Variants in PCDHA4 observed in about 807,000 individuals in gnomAD.
PCDHA4 encodes protocadherin alpha 4.
In PCDHA4, 49 loss-of-function variants were observed where a neutral mutation model predicts 61.4. The observed-to-expected ratio is 0.80, with a 90% CI of 0.63 to 1.01. PCDHA4 has a LOEUF of 1.01. PCDHA4 is among the 50% of genes least tolerant of loss of function. PCDHA4 has a pLI of 0.00. For synonymous variants in PCDHA4, 590 were observed against 550.3 expected (o/e 1.07, Z -1.01); for missense variants, 1,254 against 1,235.8 (o/e 1.01, Z -0.22).
rs1368694746 is a variant in PCDHA4, at chr5:140,870,609, G to T, written c.2385+61037G>T. ...TGGAGCGGCGGTTGGGCGACCGCGC[G>T]CTGTCGAGCTACGTGTCGGTGCACG... On this transcript the variant is annotated intron_variant, in intron 1 of 3. Coordinates refer to ENST00000530339, the MANE Select transcript of PCDHA4 (RefSeq NM_018907.4). The T allele has an allele frequency of 5.0e-6, 8 of 1,613,114 alleles. No homozygotes were observed. In the East Asian group the frequency reaches 1.8e-4, roughly 36 times the overall value.
At chr5:140,929,217 C>T (rs1183459158) in intron 1 of PCDHA4, 1 of 1,614,016 alleles carries the variant, frequency 6.2e-7, no homozygotes, top group Non-Finnish European at 8.5e-7. Flanking sequence ...GTGGGGAGTA[C>T]AATGCTGCCG....
At chr5:140,848,742 A>G in intron 1 of PCDHA4, 2 of 1,593,114 alleles carry the variant, frequency 1.3e-6, no homozygotes, top group Admixed American at 3.4e-5. Context: ...GCAGAATGGC[A>G]TTTTGTTTGT....
chr5:140,845,820 T>C (rs1305062554), intron 1 of PCDHA4, among the ~76,000 whole-genome samples: 1 of 149,606 alleles, frequency 6.7e-6, no homozygotes, highest in African/African-American at 2.4e-5. Flanking sequence ...ATAATAAAAT[T>C]TAGTTATTAC....
chr5:140,915,374 G>A (rs1310466402), intron 1 of PCDHA4, among the ~76,000 whole-genome samples: 3 of 152,016 alleles, frequency 2.0e-5, no homozygotes, highest in Non-Finnish European at 4.4e-5. Flanking sequence ...TAAGTGTCTC[G>A]GCATTGAAGA....
intron 1 of PCDHA4, among the ~76,000 whole-genome samples, chr5:140,915,092 C>T (rs781958993): frequency 9.2e-5 from 14 of 151,760 alleles, no homozygotes; most frequent in East Asian, 1.9e-4. Context: ...ACTATGGGCA[C>T]GCACCACCAC....
chr5:140,903,513 T>C (rs2070347965), intron 1 of PCDHA4, among the ~76,000 whole-genome samples: 2 of 152,216 alleles, frequency 1.3e-5, no homozygotes, highest in South Asian at 2.1e-4. Flanking sequence ...AATAGTTCTA[T>C]TGTGTTGTTC....
At chr5:140,967,481 G>C (rs1554229603) in intron 1 of PCDHA4, 2 of 1,613,426 alleles carry the variant, frequency 1.2e-6, no homozygotes, top group Admixed American at 1.7e-5. Flanking sequence ...AGCCCGCTCG[G>C]GTACGGCACA....
At chr5:140,815,033 A>G (rs1251467889) in intron 1 of PCDHA4, 1 of 152,108 alleles carries the variant, frequency 6.6e-6, no homozygotes, top group Non-Finnish European at 1.5e-5. Context: ...TACAATTTGC[A>G]TGAAATTTTT....
At position 140,807,885 on chromosome 5, in the gene PCDHA4, T is replaced by G; in HGVS notation, c.698T>G (p.Leu233Arg). ...ACCGTTCAGTTACTCATCACAGTAC[T>G]GGATGCCAATGACAATGCCCCAGCT... ...TGTVQLLITV[L>R]DANDNAPAFD... The change falls in exon 1 of 4, where the codon CTG becomes CGG. Residue 233 changes from leucine to arginine, a missense_variant. Transcript: ENST00000530339. 1 of 1,614,096 alleles carries G rather than the reference T, an allele frequency of 6.2e-7. No individual in the cohort carries two copies. The highest frequency in any genetic ancestry group is 8.5e-7 in the Non-Finnish European group (1 of 1,179,944).
At chr5:140,871,443 T>C (rs1192118860) in intron 1 of PCDHA4, 13 of 1,610,650 alleles carry the variant, frequency 8.1e-6, no homozygotes, top group African/African-American at 1.3e-5. Flanking sequence ...TAGGTCTGAA[T>C]AAAGAGGAGG....
chr5:140,857,412 C>T lies in PCDHA4; in HGVS notation c.2385+47840C>T, dbSNP rs782751627. On this transcript the variant is annotated intron_variant, in intron 1 of 3. Transcript: ENST00000530339. ...GTGAACGACAACGCGCCTGCGTTCGCGCAGTCCGAGTACACGGTGTTCGTG... is the reference window on the plus strand; with the variant it reads ...GTGAACGACAACGCGCCTGCGTTCGTGCAGTCCGAGTACACGGTGTTCGTG... 19 of 1,598,336 alleles carry T rather than the reference C, an allele frequency of 1.2e-5. 1 individual carries two copies. Among genetic ancestry groups the T allele is most frequent in the Non-Finnish European group, 1.4e-5 (16 of 1,167,836 alleles).
chr5:140,938,560 C>T (rs2092118397), intron 1 of PCDHA4, among the ~76,000 whole-genome samples: 1 of 143,272 alleles, frequency 7.0e-6, no homozygotes, highest in Non-Finnish European at 1.5e-5. Flanking sequence ...TTATTAATAG[C>T]ATGCATTATA....
At chr5:140,832,794 G>C (rs1057104170) in intron 1 of PCDHA4, among the ~76,000 whole-genome samples, 10 of 152,192 alleles carry the variant, frequency 6.6e-5, no homozygotes, top group Admixed American at 4.6e-4. Context: ...GTACATCATA[G>C]TGTTATTGGA....
At chr5:140,967,489 A>G in intron 1 of PCDHA4, 4 of 1,613,456 alleles carry the variant, frequency 2.5e-6, no homozygotes, top group Non-Finnish European at 3.4e-6. Flanking sequence ...CGGGTACGGC[A>G]CAGATCTCTG....
chr5:140,856,499 T>A, intron 1 of PCDHA4: 1 of 1,598,458 alleles, frequency 6.3e-7, no homozygotes, highest in Non-Finnish European at 8.6e-7. Flanking sequence ...TGACTCTCGA[T>A]TTCCACTAGA....
intron 1 of PCDHA4, chr5:140,822,063 G>A (rs1581778547): frequency 1.2e-6 from 2 of 1,614,230 alleles, no homozygotes; most frequent in East Asian, 2.2e-5. Flanking sequence ...AGCTGTGCCG[G>A]CGGAGGGCGG....
rs1427134752 is a variant in PCDHA4 at position 140,834,645 on chromosome 5, T to C, written c.2385+25073T>C. Reference sequence around the variant, plus strand: ...GCAGAATGGCATTTTGTTTGTGAATTCTCGGATCGACCGCGAGGAGCTGTG... The same window carrying C: ...GCAGAATGGCATTTTGTTTGTGAATCCTCGGATCGACCGCGAGGAGCTGTG... On this transcript the variant is annotated intron_variant, in intron 1 of 3. Transcript: ENST00000530339. The C allele has an allele frequency of 2.5e-6, 4 of 1,614,086 alleles. No individual in the cohort carries two copies. The East Asian group carries it at 8.9e-5, about 36-fold the overall frequency.
At chr5:140,852,756 G>A in intron 1 of PCDHA4, 1 of 983,910 alleles carries the variant, frequency 1.0e-6, no homozygotes, top group Non-Finnish European at 1.2e-6. Context: ...CTTGGACCCA[G>A]GTATCTGATT....
chr5:140,965,830 A>G (rs2095939833), intron 1 of PCDHA4, among the ~76,000 whole-genome samples: 1 of 152,208 alleles, frequency 6.6e-6, no homozygotes, highest in African/African-American at 2.4e-5. Flanking sequence ...ACATTTAAAT[A>G]TTGGTTATTT....
Sources: allele counts gnomAD v4.1 joint callset (sites outside exome capture counted in the v4.1 genomes callset), GRCh38; gene constraint gnomAD v4.1.1; transcripts MANE v1.5; gene names NCBI Gene and HGNC (gene_info 2026-07-23, HGNC 2026-07-21).